The following SHISA9 variants were observed in gnomAD, a reference collection of about 807,000 sequenced individuals.
The protein encoded by SHISA9 is protein shisa-9.
A neutral mutation model predicts 38.0 loss-of-function variants in SHISA9; 13 were observed. The observed-to-expected ratio is 0.34, with a 90% CI of 0.22 to 0.54. The LOEUF (loss-of-function observed/expected upper bound fraction) is 0.54. Among genes scored for constraint, SHISA9 ranks in the 20% least tolerant of loss-of-function variants. SHISA9 has a pLI of 0.91. For missense variants in SHISA9, 538 were observed against 575.8 expected (o/e 0.93, Z 0.67); for synonymous variants, 275 against 242.0 (o/e 1.14, Z -1.27).
At chr16:12,975,746 G>C (rs372575185) in intron 2 of SHISA9, among the ~76,000 whole-genome samples, 24 of 151,796 alleles carry the variant, frequency 1.6e-4, no homozygotes, top group African/African-American at 5.8e-4. Context: ...GGGCTGGGAG[G>C]GGGGACTGGA....
At chr16:13,467,233 G>T in the SHISA9 span, among the ~76,000 whole-genome samples, 15 of 152,094 alleles carry the variant, frequency 9.9e-5, no homozygotes, top group East Asian at 1.9e-4. Context: ...CCTTCTATGT[G>T]GGGGGGTAGC....
At chr16:13,133,138 T>C (rs1171159343) in intron 2 of SHISA9, among the ~76,000 whole-genome samples, 4 of 152,158 alleles carry the variant, frequency 2.6e-5, no homozygotes, top group African/African-American at 9.7e-5. Flanking sequence ...ACAAATAAGG[T>C]GAGCAGTCCC....
the SHISA9 span, among the ~76,000 whole-genome samples, chr16:13,277,968 G>A: frequency 2.6e-5 from 4 of 152,026 alleles, no homozygotes; most frequent in Non-Finnish European, 5.9e-5. Flanking sequence ...GAGGAGTGGT[G>A]AGAGTGGGCC....
intron 1 of SHISA9, chr16:12,910,691 G>A: frequency 3.0e-6 from 3 of 985,380 alleles, no homozygotes; most frequent in East Asian, 1.1e-4. Context: ...TGGGTGGAAG[G>A]CTATCAAGAA....
the SHISA9 span, chr16:13,458,548 C>A: frequency 2.3e-6 from 1 of 426,744 alleles, no homozygotes; most frequent in Non-Finnish European, 4.7e-6. Flanking sequence ...ATTAACAAAT[C>A]AAAATGATGA....
the SHISA9 span, among the ~76,000 whole-genome samples, chr16:13,326,851 C>A: frequency 1.3e-5 from 2 of 150,070 alleles, no homozygotes; most frequent in African/African-American, 4.9e-5. Context: ...GCACATAATA[C>A]ATGTTCCACT....
At position 12,953,208 on chromosome 16, in the gene SHISA9, TCAACAACAA is replaced by T. The variant is rs71393724; in HGVS notation, c.691+36418_691+36426del. Among the ~76,000 whole-genome samples the T allele has an allele frequency of 1.5e-3, 224 of 148,670 alleles. 1 individual carries two copies. Among genetic ancestry groups the T allele is most frequent in the African/African-American group, 5.0e-3 (202 of 40,402 alleles). On this transcript the variant is annotated intron_variant, in intron 2 of 4. Transcript: ENST00000558583. ...AAAAAAAGAAAAACAAAAAAACCCC[TCAACAACAA>T]CAACAACAACAACAACAACAACAAA... is the stretch of plus-strand genomic sequence containing the variant.
the SHISA9 span, chr16:13,258,312 T>C: frequency 1.3e-5 from 2 of 152,226 alleles, no homozygotes. Context: ...TAACTGTGTG[T>C]CCTTTAACTT....
chr16:13,375,277 T>C, the SHISA9 span, among the ~76,000 whole-genome samples: 3 of 152,200 alleles, frequency 2.0e-5, no homozygotes, highest in Non-Finnish European at 4.4e-5. Flanking sequence ...ATTGCCTAGG[T>C]TTTCTTCCAG....
At chr16:13,403,931 T>C in the SHISA9 span, among the ~76,000 whole-genome samples, 1 of 152,282 alleles carries the variant, frequency 6.6e-6, no homozygotes, top group African/African-American at 2.4e-5. Context: ...TTTGGGTGGG[T>C]CCTCTGATGT....
the SHISA9 span, among the ~76,000 whole-genome samples, chr16:13,357,785 T>A: frequency 1.6e-4 from 24 of 147,004 alleles, no homozygotes; most frequent in Non-Finnish European, 3.1e-4. Context: ...GGTCGCAAGG[T>A]GCTCAGTGGG....
At chr16:13,482,437 C>G in the SHISA9 span, among the ~76,000 whole-genome samples, 1 of 152,228 alleles carries the variant, frequency 6.6e-6, no homozygotes. Context: ...TCACCCTTTT[C>G]TCATAACAAC....
chr16:13,428,909 G>C, the SHISA9 span, among the ~76,000 whole-genome samples: 1 of 152,132 alleles, frequency 6.6e-6, no homozygotes, highest in Middle Eastern at 3.4e-3. Context: ...GGGATTACAG[G>C]TGCATGCCAC....
intron 2 of SHISA9, among the ~76,000 whole-genome samples, chr16:12,964,356 G>A (rs2071950971): frequency 1.3e-5 from 2 of 151,108 alleles, no homozygotes; most frequent in African/African-American, 4.8e-5. Flanking sequence ...AGGGGTGATG[G>A]TGTATCAATC....
intron 2 of SHISA9, among the ~76,000 whole-genome samples, chr16:13,082,779 T>TG (rs1408605109): frequency 2.6e-5 from 4 of 152,064 alleles, no homozygotes; most frequent in Non-Finnish European, 5.9e-5. Flanking sequence ...CATGTGTGGG[T>TG]GGGGGGCTGA....
At chr16:13,077,240 CTTCT>C (rs1054176536) in intron 2 of SHISA9, among the ~76,000 whole-genome samples, 4 of 149,482 alleles carry the variant, frequency 2.7e-5, no homozygotes, top group African/African-American at 1.0e-4. Flanking sequence ...TCTTCTTCTT[CTTCT>C]TTTTTTTTTT....
At chr16:13,515,699 G>C in the SHISA9 span, among the ~76,000 whole-genome samples, 10 of 149,600 alleles carry the variant, frequency 6.7e-5, no homozygotes, top group Admixed American at 4.0e-4. Flanking sequence ...CTTCCCTGTA[G>C]TACTTAATAT....
chr16:13,070,203 C>G (rs1335690818), intron 2 of SHISA9, among the ~76,000 whole-genome samples: 1 of 151,606 alleles, frequency 6.6e-6, no homozygotes, highest in Non-Finnish European at 1.5e-5. Context: ...AATTCCTCCT[C>G]TTCTCCCTCC....
the SHISA9 span, among the ~76,000 whole-genome samples, chr16:13,300,467 G>T: frequency 2.0e-5 from 3 of 152,190 alleles, no homozygotes; most frequent in Admixed American, 2.0e-4. Context: ...CTGTGATATG[G>T]TCTGCCCCAT....
Sources: gnomAD v4.1 joint callset for allele counts (sites outside exome capture counted in the v4.1 genomes callset) on GRCh38, gnomAD v4.1.1 for gene constraint, MANE v1.5 for transcripts, NCBI Gene and HGNC (gene_info 2026-07-23, HGNC 2026-07-21) for gene names.